The following TNKS variants were observed in gnomAD, a reference collection of about 807,000 sequenced individuals.
TNKS encodes the protein tankyrase.
TNKS carries 72 observed loss-of-function variants against 135.8 expected under a neutral mutation model. The observed-to-expected ratio is 0.53, with a 90% CI of 0.44 to 0.64. The LOEUF (loss-of-function observed/expected upper bound fraction) is 0.64, where lower values mean the gene tolerates loss of function less well. Ranked by LOEUF, TNKS falls within the 30% of genes least tolerant of loss-of-function variation. The probability of loss-of-function intolerance (pLI) is 0.00; values close to 1 mark genes in which losing one functional copy is unlikely to be tolerated. For missense variants in TNKS, 1,769 were observed against 1,674.0 expected (o/e 1.06, Z -0.99); for synonymous variants, 849 against 649.3 (o/e 1.31, Z -4.68).
At chr8:9,714,539 C>T (rs955594078) in intron 11 of TNKS, among the ~76,000 whole-genome samples, 1 of 152,084 alleles carries the variant, frequency 6.6e-6, no homozygotes, top group Non-Finnish European at 1.5e-5. Flanking sequence ...GATCCACTAA[C>T]TCCATAAATA....
rs146808392 is a variant in TNKS, at chr8:9,607,802, A to T, written c.899-7780A>T. 9.5e-3 allele frequency among the ~76,000 whole-genome samples: 1,443 copies of T among 152,334 alleles called. 19 individuals are homozygous for T. The highest frequency in any genetic ancestry group is 0.033 in the African/African-American group (1,362 of 41,568). Reference sequence around the variant, plus strand: ...ATATTTTAAAGAAATCTAATGGTCAATATTTAATAAAATGCAGTAATTTTA... The same window carrying T: ...ATATTTTAAAGAAATCTAATGGTCATTATTTAATAAAATGCAGTAATTTTA... On this transcript the variant is annotated intron_variant, in intron 2 of 26. Coordinates refer to ENST00000310430, the MANE Select transcript of TNKS (RefSeq NM_003747.3).
Position 9,604,025 on chromosome 8 carries a change from C to A in TNKS, c.899-11557C>A, listed in dbSNP as rs371079099. Among the ~76,000 whole-genome samples the A allele has an allele frequency of 3.9e-5, 6 of 152,012 alleles. No homozygotes were observed. In the East Asian group the frequency reaches 9.7e-4, roughly 24 times the overall value. On this transcript the variant is annotated intron_variant, in intron 2 of 26. Coordinates refer to ENST00000310430, the MANE Select transcript of TNKS (RefSeq NM_003747.3). ...AGAAATAAAAAGAGGAAGTAAAATT[C>A]TTTAAAAATGCGAAATTTTGCAAAT...
At chr8:9,644,806 C>G (rs1311936520) in intron 3 of TNKS, among the ~76,000 whole-genome samples, 1 of 152,146 alleles carries the variant, frequency 6.6e-6, no homozygotes, top group African/African-American at 2.4e-5. Flanking sequence ...AAGTGATACA[C>G]ATTCAGTGGA....
In TNKS at chr8:9,777,702, AAATACAT is replaced by A. The variant is rs1808292610; in HGVS notation, c.*967_*973del. On this transcript the variant is annotated 3_prime_UTR_variant, in exon 27 of 27. Coordinates refer to ENST00000310430, the MANE Select transcript of TNKS (RefSeq NM_003747.3). ...AATGGATCCAGGGGATGCCTCCAAAAAATACATGCTTCCCTTCCCTTAATCTGTACTG... is the reference window on the plus strand; with the variant it reads ...AATGGATCCAGGGGATGCCTCCAAAAGCTTCCCTTCCCTTAATCTGTACTG... 1 of 152,172 alleles carries A rather than the reference AAATACAT, an allele frequency of 6.6e-6. No homozygotes were observed. The highest frequency in any genetic ancestry group is 1.5e-5 in the Non-Finnish European group (1 of 68,036). 9.4% of individuals were successfully genotyped at this position (152,172 alleles called of 1,614,324 possible).
At chr8:9,602,064 G>T (rs1799038025) in intron 2 of TNKS, among the ~76,000 whole-genome samples, 1 of 152,042 alleles carries the variant, frequency 6.6e-6, no homozygotes, top group South Asian at 2.1e-4. Flanking sequence ...GGACATGTTT[G>T]GTTATCACAG....
chr8:9,556,188 G>C lies in TNKS; in HGVS notation c.249G>C (p.Pro83=). Reference sequence around the variant, plus strand: ...CCGACAGGCCCCGATCCCCGGACCCGGTTGACGGTACCAGCTGTTGCAGTA... The same window carrying C: ...CCGACAGGCCCCGATCCCCGGACCCCGTTGACGGTACCAGCTGTTGCAGTA... ...DPPDRPRSPD[P]VDGTSCCSTT... is the part of the protein sequence containing the mutation. Residue 83 remains proline (P), a synonymous_variant, in exon 1 of 27, where the codon CCG becomes CCC. Coordinates refer to ENST00000310430, the MANE Select transcript of TNKS (RefSeq NM_003747.3). The C allele has an allele frequency of 6.2e-7, 1 of 1,613,370 alleles. No individual in the cohort carries two copies. The highest frequency in any genetic ancestry group is 8.5e-7 in the Non-Finnish European group (1 of 1,179,546).
At chr8:9,653,314 T>C (rs866146022) in intron 3 of TNKS, among the ~76,000 whole-genome samples, 1 of 152,168 alleles carries the variant, frequency 6.6e-6, no homozygotes, top group African/African-American at 2.4e-5. Flanking sequence ...AACTGTATCA[T>C]GCATCTGACT....
chr8:9,561,328 T>C (rs566971093), intron 1 of TNKS, among the ~76,000 whole-genome samples: 1 of 152,218 alleles, frequency 6.6e-6, no homozygotes, highest in African/African-American at 2.4e-5. Flanking sequence ...ACTTTCCTTA[T>C]AGAAACTTCA....
intron 5 of TNKS, among the ~76,000 whole-genome samples, chr8:9,703,455 C>T (rs754690816): frequency 3.9e-5 from 6 of 152,180 alleles, no homozygotes; most frequent in Non-Finnish European, 7.3e-5. Context: ...GAAGCTGAGA[C>T]ACACGAGTAG....
At chr8:9,702,212 G>A (rs1296901072) in intron 5 of TNKS, among the ~76,000 whole-genome samples, 1 of 152,116 alleles carries the variant, frequency 6.6e-6, no homozygotes, top group Non-Finnish European at 1.5e-5. Flanking sequence ...AAAAATATTT[G>A]ATGAAATCAT....
chr8:9,748,250 T>C (rs1563207200), intron 18 of TNKS, 38 bp downstream of exon 18: 1 of 1,408,476 alleles, frequency 7.1e-7, no homozygotes, highest in Non-Finnish European at 9.3e-7. Context: ...TTGTTCCTTC[T>C]ACTTTCACAG....
rs187044824 is a variant in TNKS, at chr8:9,564,842, G to A, written c.673+8230G>A. On this transcript the variant is annotated intron_variant, in intron 1 of 26. Coordinates refer to ENST00000310430, the MANE Select transcript of TNKS (RefSeq NM_003747.3). Reference sequence around the variant, plus strand: ...AGGGCTAGGTGCAGCCTCCCCTTACGGGGCTTAATAAAACCAATGAAACAT... The same window carrying A: ...AGGGCTAGGTGCAGCCTCCCCTTACAGGGCTTAATAAAACCAATGAAACAT... 1.0e-3 allele frequency among the ~76,000 whole-genome samples: 154 copies of A among 152,194 alleles called. 4 individuals carry two copies. The highest frequency in any genetic ancestry group is 3.3e-3 in the African/African-American group (137 of 41,536).
At chr8:9,694,330 A>T (rs921383251) in intron 5 of TNKS, among the ~76,000 whole-genome samples, 2 of 152,210 alleles carry the variant, frequency 1.3e-5, no homozygotes, top group African/African-American at 4.8e-5. Flanking sequence ...ACATAAAATT[A>T]AGGAATGTTC....
intron 1 of TNKS, among the ~76,000 whole-genome samples, chr8:9,571,040 G>T (rs988707988): frequency 2.6e-5 from 4 of 152,036 alleles, no homozygotes; most frequent in Non-Finnish European, 1.5e-5. Flanking sequence ...ATTACATTCG[G>T]GGGCATTTTG....
intron 3 of TNKS, among the ~76,000 whole-genome samples, chr8:9,631,571 C>G (rs1800289761): frequency 6.6e-6 from 1 of 152,164 alleles, no homozygotes; most frequent in South Asian, 2.1e-4. Context: ...TTATCACAAT[C>G]AAATTTGTCT....
chr8:9,638,447 A>G (rs1051708557), intron 3 of TNKS, among the ~76,000 whole-genome samples: 1 of 152,246 alleles, frequency 6.6e-6, no homozygotes, highest in Non-Finnish European at 1.5e-5. Flanking sequence ...TCTGGAGAAG[A>G]AAACAGCTAT....
chr8:9,592,383 T>C (rs1472665991), intron 2 of TNKS, among the ~76,000 whole-genome samples: 1 of 152,220 alleles, frequency 6.6e-6, no homozygotes, highest in Non-Finnish European at 1.5e-5. Context: ...ATTCTCATAC[T>C]TTTCATATTC....
Position 9,779,302 on chromosome 8 carries a change from A to G in TNKS, c.*2566A>G, listed in dbSNP as rs1326085193. 3 of 152,656 alleles carry G rather than the reference A, an allele frequency of 2.0e-5. No individual in the cohort carries two copies. Among genetic ancestry groups the G allele is most frequent in the Admixed American group, 2.0e-4 (3 of 15,280 alleles). The allele number at this position is 152,656 out of a possible 1,614,324, so 9.5% of individuals were successfully genotyped here. The stretch of plus-strand genomic sequence containing the variant: ...GAAGAACCCTTTCCAATATAAAAGC[A>G]TGGCATTAAATTAGGCTGAAGTCTT... On this transcript the variant is annotated 3_prime_UTR_variant, in exon 27 of 27. Coordinates refer to ENST00000310430, the MANE Select transcript of TNKS (RefSeq NM_003747.3).
chr8:9,659,367 G>C (rs1447818265), intron 3 of TNKS, among the ~76,000 whole-genome samples: 1 of 152,178 alleles, frequency 6.6e-6, no homozygotes, highest in Non-Finnish European at 1.5e-5. Flanking sequence ...TAAAAGAACA[G>C]AAATTATAAC....
Sources: allele counts gnomAD v4.1 joint callset (sites outside exome capture counted in the v4.1 genomes callset), GRCh38; gene constraint gnomAD v4.1.1; transcripts MANE v1.5; gene names NCBI Gene and HGNC (gene_info 2026-07-23, HGNC 2026-07-21).